The following NELL2 variants were observed in gnomAD, a reference collection of about 807,000 sequenced individuals.
The protein encoded by NELL2 is protein kinase C-binding protein NELL2.
A neutral mutation model predicts 109.6 loss-of-function variants in NELL2; 41 were observed. That is an observed-to-expected ratio of 0.37 (90% CI 0.29 to 0.49). The LOEUF (loss-of-function observed/expected upper bound fraction) is 0.49, where lower values mean the gene tolerates loss of function less well. Among genes scored for constraint, NELL2 ranks in the 20% least tolerant of loss-of-function variants. The probability of loss-of-function intolerance (pLI) is 0.98; values close to 1 mark genes in which losing one functional copy is unlikely to be tolerated. For missense variants in NELL2, 900 were observed against 1,008.3 expected (o/e 0.89, Z 1.45); for synonymous variants, 355 against 344.7 (o/e 1.03, Z -0.33).
chr12:44,764,858 G>A (rs10785528), intron 9 of NELL2, among the ~76,000 whole-genome samples: 20,847 of 146,878 alleles, frequency 0.14, 1,647 homozygotes, highest in East Asian at 0.27. Flanking sequence ...GAGAGAGAGA[G>A]AAAAAAAAAA....
chr12:44,586,175 A>G (rs544856656), intron 15 of NELL2, among the ~76,000 whole-genome samples: 60 of 148,870 alleles, frequency 4.0e-4, no homozygotes, highest in African/African-American at 1.3e-3. Context: ...GTTTTAATGT[A>G]TATGTATATA....
At chr12:44,721,264 A>T (rs1185682964) in intron 9 of NELL2, among the ~76,000 whole-genome samples, 1 of 152,216 alleles carries the variant, frequency 6.6e-6, no homozygotes, top group East Asian at 1.9e-4. Context: ...ATCCTGGCTC[A>T]TATACCATAT....
At chr12:44,721,838 G>A (rs949933549) in intron 9 of NELL2, among the ~76,000 whole-genome samples, 1 of 152,060 alleles carries the variant, frequency 6.6e-6, no homozygotes, top group Non-Finnish European at 1.5e-5. Context: ...AACAAAAGAG[G>A]TAACTATTGA....
intron 3 of NELL2, among the ~76,000 whole-genome samples, chr12:44,789,007 G>A (rs1942285130): frequency 6.6e-6 from 1 of 151,920 alleles, no homozygotes; most frequent in Admixed American, 6.6e-5. Flanking sequence ...CCTGCCCAAG[G>A]AGAGTCTGAG....
intron 15 of NELL2, among the ~76,000 whole-genome samples, chr12:44,595,573 C>T (rs1944922946): frequency 6.6e-6 from 1 of 151,198 alleles, no homozygotes; most frequent in African/African-American, 2.4e-5. Flanking sequence ...ACTACAGGCG[C>T]CTGCCACCAC....
chr12:44,531,075 AT>A (rs1187029799), intron 16 of NELL2, among the ~76,000 whole-genome samples: 1 of 152,204 alleles, frequency 6.6e-6, no homozygotes, highest in African/African-American at 2.4e-5. Flanking sequence ...AGGTATGTGT[AT>A]TTTTCTACTC....
intron 13 of NELL2, among the ~76,000 whole-genome samples, chr12:44,665,263 A>G (rs2290354): frequency 0.16 from 25,058 of 152,032 alleles, 2,158 homozygotes; most frequent in East Asian, 0.21. Flanking sequence ...ATTTTTTAGG[A>G]TTTTTATCTT....
intron 3 of NELL2, among the ~76,000 whole-genome samples, chr12:44,795,104 G>A (rs1042079034): frequency 3.9e-5 from 6 of 152,036 alleles, no homozygotes; most frequent in African/African-American, 1.4e-4. Context: ...CAAGATCAAA[G>A]GATAAAAATA....
At chr12:44,786,490 C>T (rs1942176077) in intron 3 of NELL2, among the ~76,000 whole-genome samples, 1 of 152,050 alleles carries the variant, frequency 6.6e-6, no homozygotes. Flanking sequence ...GATCTAGAAC[C>T]AGAAATACCT....
chr12:44,839,719 G>A lies in NELL2; in HGVS notation c.185-23583C>T, dbSNP rs114235186. On this transcript the variant is annotated intron_variant, in intron 2 of 19. Transcript: ENST00000429094. ...ATTCCTTCAAGTTTGCCGTCAAGGC[G>A]ATGATCATAAAGTTTTTGTAATGAG... 6.8e-3 allele frequency among the ~76,000 whole-genome samples: 1,030 copies of A among 152,246 alleles called. 18 individuals are homozygous for A. The highest frequency in any genetic ancestry group is 0.024 in the African/African-American group (984 of 41,532).
chr12:44,825,176 T>C (rs1020720181), intron 2 of NELL2, among the ~76,000 whole-genome samples: 11 of 152,114 alleles, frequency 7.2e-5, no homozygotes, highest in Admixed American at 5.2e-4. Context: ...AGGAATTGCA[T>C]TGAATCTGTA....
At chr12:44,775,074 G>A (rs187572917) in intron 8 of NELL2, among the ~76,000 whole-genome samples, 6 of 152,290 alleles carry the variant, frequency 3.9e-5, no homozygotes, top group South Asian at 2.1e-4. Context: ...AGAGCTCCCA[G>A]GTAGCTGGCT....
chr12:44,921,421 C>T (rs1001200078), intron 1 of NELL2, among the ~76,000 whole-genome samples: 4 of 152,150 alleles, frequency 2.6e-5, no homozygotes, highest in Non-Finnish European at 2.9e-5. Flanking sequence ...TCAGTAACTA[C>T]GTAGGCGGTA....
At chr12:44,673,128 C>G (rs960319591) in intron 12 of NELL2, among the ~76,000 whole-genome samples, 10 of 152,072 alleles carry the variant, frequency 6.6e-5, no homozygotes, top group Non-Finnish European at 1.5e-4. Context: ...TGCCGCTTGC[C>G]TTTTTTGATT....
At chr12:44,888,474 A>G (rs1365566310) in intron 1 of NELL2, among the ~76,000 whole-genome samples, 1 of 151,750 alleles carries the variant, frequency 6.6e-6, no homozygotes, top group Non-Finnish European at 1.5e-5. Flanking sequence ...AAAATCGGAA[A>G]TGAAAAAGGG....
At chr12:44,767,982 G>C (rs1941401842) in intron 9 of NELL2, among the ~76,000 whole-genome samples, 1 of 152,148 alleles carries the variant, frequency 6.6e-6, no homozygotes, top group South Asian at 2.1e-4. Context: ...TGGGAAGAAA[G>C]AATGGTAGAG....
intron 3 of NELL2, among the ~76,000 whole-genome samples, chr12:44,784,913 A>G (rs7967244): frequency 6.6e-6 from 1 of 152,182 alleles, no homozygotes; most frequent in African/African-American, 2.4e-5. Flanking sequence ...TGACAAACCC[A>G]TAGCCAACAT....
At chr12:44,755,579 TC>T (rs1463916731) in intron 9 of NELL2, among the ~76,000 whole-genome samples, 1 of 152,120 alleles carries the variant, frequency 6.6e-6, no homozygotes, top group Non-Finnish European at 1.5e-5. Flanking sequence ...AGTTTTGTCA[TC>T]ACTCAAAACT....
rs377227892 is a variant in NELL2, at chr12:44,714,833, TAC to T, written c.995-94_995-93del. 1.5e-3 allele frequency: 1,028 copies of T among 704,782 alleles called. 10 individuals carry two copies. In the African/African-American group the frequency reaches 0.017, roughly 11 times the overall value. The allele number at this position is 704,782 out of a possible 1,614,324, so 43.7% of individuals were successfully genotyped here. The stretch of plus-strand genomic sequence containing the variant: ...TCTTGTAACAGCATTCCACATGTTA[TAC>T]ACCTTTTTTCAACATGTATGACTAA... On this transcript the variant is annotated intron_variant, in intron 9 of 19. Coordinates refer to ENST00000429094, the MANE Select transcript of NELL2 (RefSeq NM_001145108.2).
Sources: allele counts gnomAD v4.1 joint callset (sites outside exome capture counted in the v4.1 genomes callset), GRCh38; gene constraint gnomAD v4.1.1; transcripts MANE v1.5; gene names NCBI Gene and HGNC (gene_info 2026-07-23, HGNC 2026-07-21).